The following MTMR2 variants were observed in gnomAD, a reference collection of about 807,000 sequenced individuals.
MTMR2 encodes the protein phosphatidylinositol-3,5-bisphosphate 3-phosphatase MTMR2.
Under a neutral mutation model 86.9 loss-of-function variants are expected in MTMR2, and 55 were observed. The ratio of observed to expected loss-of-function variants is 0.63; its 90% CI spans 0.51 to 0.79. The LOEUF (loss-of-function observed/expected upper bound fraction) is 0.79, where lower values mean the gene tolerates loss of function less well. Among genes scored for constraint, MTMR2 ranks in the 30% least tolerant of loss-of-function variants. The pLI is 0.00. For synonymous variants in MTMR2, 241 were observed against 266.8 expected (o/e 0.90, Z 0.94); for missense variants, 659 against 772.3 (o/e 0.85, Z 1.74).
At chr11:95,902,290 A>T (rs1866102840) in intron 1 of MTMR2, among the ~76,000 whole-genome samples, 1 of 152,134 alleles carries the variant, frequency 6.6e-6, no homozygotes, top group South Asian at 2.1e-4. Flanking sequence ...GCAAGAGTTT[A>T]AAAAGGGCAT....
chr11:95,887,315 A>G (rs981340708), intron 2 of MTMR2, among the ~76,000 whole-genome samples: 4 of 151,004 alleles, frequency 2.6e-5, no homozygotes, highest in Admixed American at 2.6e-4. Flanking sequence ...TGAGGATACA[A>G]GAAGACATAC....
chr11:95,888,424 C>CT (rs1865591189), intron 1 of MTMR2, among the ~76,000 whole-genome samples, 163 bp from the exon 2 acceptor site: 1 of 152,192 alleles, frequency 6.6e-6, no homozygotes, highest in Non-Finnish European at 1.5e-5. Context: ...AAATTACAAA[C>CT]TATTCCTGCT....
At chr11:95,893,760 C>T (rs920141654) in intron 1 of MTMR2, among the ~76,000 whole-genome samples, 2 of 152,262 alleles carry the variant, frequency 1.3e-5, no homozygotes, top group South Asian at 2.1e-4. Context: ...ATCCAAAGTC[C>T]TGTACAGTCT....
chr11:95,839,707 CAT>C (rs1379057147), intron 12 of MTMR2, among the ~76,000 whole-genome samples: 2 of 152,106 alleles, frequency 1.3e-5, no homozygotes, highest in African/African-American at 4.8e-5. Flanking sequence ...ATCTGGCTGT[CAT>C]AACATAGTTG....
intron 2 of MTMR2, among the ~76,000 whole-genome samples, chr11:95,877,457 A>G (rs947091404): frequency 2.0e-5 from 3 of 151,810 alleles, no homozygotes; most frequent in African/African-American, 7.2e-5. Flanking sequence ...ATTCAACAAT[A>G]ACAAAAAGGA....
intron 1 of MTMR2, among the ~76,000 whole-genome samples, chr11:95,909,975 TA>T (rs2135605257): frequency 6.6e-6 from 1 of 152,258 alleles, no homozygotes; most frequent in South Asian, 2.1e-4. Context: ...CTCTATAATG[TA>T]AAATGTCTTC....
Position 95,899,436 on chromosome 11 carries a change from C to T in MTMR2, c.81-11175G>A, listed in dbSNP as rs553628046. 5.7e-4 allele frequency among the ~76,000 whole-genome samples: 87 copies of T among 152,270 alleles called. 2 individuals are homozygous for T. The South Asian group carries it at 9.5e-3, about 17-fold the overall frequency. On this transcript the variant is annotated intron_variant, in intron 1 of 14. Coordinates refer to ENST00000346299, the MANE Select transcript of MTMR2 (RefSeq NM_016156.6). ...CAAGGCCAAAGGATTTTAGATTTTA[C>T]TTGATCATATATTTGTTCATTCATT...
intron 7 of MTMR2, among the ~76,000 whole-genome samples, chr11:95,851,346 TG>T (rs1815792273): frequency 6.6e-6 from 1 of 151,536 alleles, no homozygotes. Context: ...CCTGGCCAAA[TG>T]TTCCTATTCT....
chr11:95,865,581 C>A lies in MTMR2; in HGVS notation c.262+20G>T. On this transcript the variant is annotated intron_variant, in intron 3 of 14. Coordinates refer to ENST00000346299, the MANE Select transcript of MTMR2 (RefSeq NM_016156.6). ...CAGTAGAACGGAGAAGGACATTAAG[C>A]AAAAAATACCATTACGGACCCATGT... 1.3e-6 allele frequency: 2 copies of A among 1,585,534 alleles called. No individual in the cohort carries two copies. Among genetic ancestry groups the A allele is most frequent in the East Asian group, 4.5e-5 (2 of 44,808 alleles).
intron 5 of MTMR2, among the ~76,000 whole-genome samples, chr11:95,860,043 G>A (rs1239552094): frequency 1.3e-5 from 2 of 152,090 alleles, no homozygotes; most frequent in East Asian, 1.9e-4. Flanking sequence ...CTGTTCCATG[G>A]AAAGAAATTA....
chr11:95,849,581 T>C, intron 9 of MTMR2, 93 bp downstream of exon 9: 2 of 1,139,420 alleles, frequency 1.8e-6, no homozygotes, highest in Non-Finnish European at 2.6e-6. Context: ...TGTTTACCAC[T>C]GTAGAGCCTG....
chr11:95,868,936 A>G (rs1340224848), intron 2 of MTMR2, among the ~76,000 whole-genome samples: 1 of 151,918 alleles, frequency 6.6e-6, no homozygotes, highest in Non-Finnish European at 1.5e-5. Context: ...AATACAACCC[A>G]GAAATACTTT....
chr11:95,855,324 C>A (rs1309470779), intron 7 of MTMR2, among the ~76,000 whole-genome samples: 1 of 152,184 alleles, frequency 6.6e-6, no homozygotes, highest in East Asian at 1.9e-4. Flanking sequence ...GGCACATTCA[C>A]AGCTCACCAC....
intron 2 of MTMR2, among the ~76,000 whole-genome samples, chr11:95,875,541 A>C (rs1309044633): frequency 6.6e-6 from 1 of 151,894 alleles, no homozygotes; most frequent in Non-Finnish European, 1.5e-5. Context: ...CATGGGTTTG[A>C]AGTTCCTCCT....
chr11:95,840,884 T>C (rs1863515828), intron 12 of MTMR2, among the ~76,000 whole-genome samples: 1 of 152,192 alleles, frequency 6.6e-6, no homozygotes, highest in Admixed American at 6.5e-5. Context: ...TTTTGGGGTC[T>C]AATAAACCCT....
At chr11:95,897,277 T>C (rs1332045884) in intron 1 of MTMR2, among the ~76,000 whole-genome samples, 1 of 152,096 alleles carries the variant, frequency 6.6e-6, no homozygotes, top group Non-Finnish European at 1.5e-5. Context: ...ATCCACACAA[T>C]ATACAGATAA....
chr11:95,863,818 T>C lies in MTMR2; in HGVS notation c.263-1452A>G, dbSNP rs2135479760. Reference sequence around the variant, plus strand: ...AGTACAATACAAAAATTCAAGGGTTTATACCTATGTTACTATTATCATCAT... The same window carrying C: ...AGTACAATACAAAAATTCAAGGGTTCATACCTATGTTACTATTATCATCAT... On this transcript the variant is annotated intron_variant, in intron 3 of 14. Coordinates refer to ENST00000346299, the MANE Select transcript of MTMR2 (RefSeq NM_016156.6). 2.6e-5 allele frequency among the ~76,000 whole-genome samples: 4 copies of C among 152,314 alleles called. 1 individual carries two copies. The highest frequency in any genetic ancestry group is 2.6e-4 in the Admixed American group (4 of 15,278).
chr11:95,889,687 T>G (rs1278525965), intron 1 of MTMR2, among the ~76,000 whole-genome samples: 1 of 152,138 alleles, frequency 6.6e-6, no homozygotes, highest in Non-Finnish European at 1.5e-5. Flanking sequence ...CAAAATCTAC[T>G]TCAGGACCTG....
At chr11:95,847,641 T>C in intron 10 of MTMR2, 73 bp downstream of exon 10, 2 of 1,358,766 alleles carry the variant, frequency 1.5e-6, no homozygotes, top group African/African-American at 2.9e-5. Flanking sequence ...TTGATTGCAA[T>C]TATAAGTAAA....
Sources: allele counts gnomAD v4.1 joint callset (sites outside exome capture counted in the v4.1 genomes callset), GRCh38; gene constraint gnomAD v4.1.1; transcripts MANE v1.5; gene names NCBI Gene and HGNC (gene_info 2026-07-23, HGNC 2026-07-21).